CDH18: variants seen among roughly 807,000 people sequenced by gnomAD.
The protein encoded by CDH18 is cadherin 18, also known as cadherin-18.
CDH18 carries 31 observed loss-of-function variants against 67.9 expected under a neutral mutation model. The observed-to-expected ratio is 0.46, with a 90% CI of 0.34 to 0.62. The LOEUF (loss-of-function observed/expected upper bound fraction) is 0.62. Among genes scored for constraint, CDH18 ranks in the 20% least tolerant of loss-of-function variants. The pLI, the probability that CDH18 is intolerant of heterozygous loss-of-function variation, is 0.01. For missense variants in CDH18, 890 were observed against 975.5 expected (o/e 0.91, Z 1.17); for synonymous variants, 362 against 347.2 (o/e 1.04, Z -0.48).
rs139607179 is a variant in CDH18, at chr5:19,911,630, G to A, written c.-257+69430C>T. 6.5e-3 allele frequency among the ~76,000 whole-genome samples: 983 copies of A among 151,996 alleles called. 10 individuals carry two copies. The highest frequency in any genetic ancestry group is 0.023 in the African/African-American group (956 of 41,442). On this transcript the variant is annotated intron_variant, in intron 2 of 12. Coordinates refer to ENST00000382275, the MANE Select transcript of CDH18 (RefSeq NM_004934.5). ...CCTTTCCCTGCTATGTGAGGACACC[G>A]AGAGAAGACAGCTGTCAACAAGCCA...
Position 20,535,457 on chromosome 5 carries a change from T to A in CDH18, c.-580+40005A>T, listed in dbSNP as rs572716908. Among the ~76,000 whole-genome samples, 3 of 152,244 alleles carry A rather than the reference T, an allele frequency of 2.0e-5. No individual in the cohort carries two copies. The East Asian group carries it at 5.8e-4, about 29-fold the overall frequency. On this transcript the variant is annotated intron_variant, in intron 1 of 14. Transcript: ENST00000507958. ...AATTACATTTAGCCCACCAGTATAATTCAAAATAATCTTCCAGCTTTAACA... is the reference window on the plus strand; with the variant it reads ...AATTACATTTAGCCCACCAGTATAAATCAAAATAATCTTCCAGCTTTAACA...
chr5:20,090,215 T>C (rs905148373), intron 2 of CDH18, among the ~76,000 whole-genome samples: 1 of 152,174 alleles, frequency 6.6e-6, no homozygotes, highest in Admixed American at 6.5e-5. Context: ...GAAGAGTATA[T>C]ACAAATAATT....
intron 1 of CDH18, among the ~76,000 whole-genome samples, chr5:20,323,723 G>A (rs1160135634): frequency 6.6e-6 from 1 of 152,216 alleles, no homozygotes. Flanking sequence ...TGCATTTGAA[G>A]TGTGATGCAT....
intron 2 of CDH18, among the ~76,000 whole-genome samples, chr5:20,140,515 T>C (rs1045438208): frequency 6.6e-6 from 1 of 151,956 alleles, no homozygotes; most frequent in Admixed American, 6.6e-5. Context: ...AATAATGTCA[T>C]GAAAGGGTGG....
At chr5:19,672,236 G>C (rs1758848908) in intron 5 of CDH18, among the ~76,000 whole-genome samples, 1 of 152,078 alleles carries the variant, frequency 6.6e-6, no homozygotes, top group African/African-American at 2.4e-5. Context: ...GGCAGAGTTT[G>C]CTGCACAGGC....
chr5:20,063,249 A>G (rs900268804), intron 2 of CDH18, among the ~76,000 whole-genome samples: 1 of 151,548 alleles, frequency 6.6e-6, no homozygotes, highest in African/African-American at 2.4e-5. Flanking sequence ...TACCACAGAA[A>G]AGTATTATTC....
At chr5:19,801,524 A>G (rs1263292745) in intron 3 of CDH18, among the ~76,000 whole-genome samples, 4 of 152,208 alleles carry the variant, frequency 2.6e-5, no homozygotes, top group Non-Finnish European at 5.9e-5. Context: ...GGCTTACTTA[A>G]TTGATCTGAA....
intron 3 of CDH18, among the ~76,000 whole-genome samples, chr5:19,827,644 A>G (rs1387166608): frequency 1.3e-5 from 2 of 152,212 alleles, no homozygotes; most frequent in African/African-American, 2.4e-5. Context: ...ATTACTTTTA[A>G]GTAAACAATG....
rs139512489 is a variant in CDH18, at chr5:20,000,326, A to C, written c.-517-8312T>G. Among the ~76,000 whole-genome samples the C allele has an allele frequency of 3.0e-3, 457 of 152,344 alleles. 3 individuals are homozygous for C. Among genetic ancestry groups the C allele is most frequent in the African/African-American group, 0.01 (427 of 41,574 alleles). On this transcript the variant is annotated intron_variant, in intron 2 of 14. Transcript: ENST00000507958. Reference sequence around the variant, plus strand: ...GTAATTTATAGTTACAACCAAAAAGATATAATGAATGCCTTTAACTTAGTA... The same window carrying C: ...GTAATTTATAGTTACAACCAAAAAGCTATAATGAATGCCTTTAACTTAGTA...
intron 5 of CDH18, among the ~76,000 whole-genome samples, chr5:19,720,282 T>G (rs950541272): frequency 2.0e-5 from 3 of 152,118 alleles, no homozygotes; most frequent in Non-Finnish European, 4.4e-5. Flanking sequence ...GATTAAAAAA[T>G]AGCTCCTTTT....
chr5:20,357,474 T>G (rs1049959944), intron 1 of CDH18, among the ~76,000 whole-genome samples: 1 of 152,154 alleles, frequency 6.6e-6, no homozygotes, highest in Non-Finnish European at 1.5e-5. Context: ...AACTTTCTAT[T>G]GTTATTATGT....
At chr5:19,727,452 G>A (rs925765816) in intron 4 of CDH18, among the ~76,000 whole-genome samples, 5 of 152,136 alleles carry the variant, frequency 3.3e-5, no homozygotes, top group South Asian at 2.1e-4. Context: ...GATGGTCAGC[G>A]AACCACTAGA....
intron 2 of CDH18, among the ~76,000 whole-genome samples, chr5:19,941,925 G>A (rs757020905): frequency 5.1e-4 from 78 of 152,126 alleles, no homozygotes; most frequent in Non-Finnish European, 5.9e-4. Flanking sequence ...TAAAGTGAAT[G>A]TTCCATCTTC....
At chr5:20,297,114 T>C (rs1023196756) in intron 1 of CDH18, among the ~76,000 whole-genome samples, 1 of 152,100 alleles carries the variant, frequency 6.6e-6, no homozygotes, top group Non-Finnish European at 1.5e-5. Flanking sequence ...ATACATAATA[T>C]AAAACAGGCC....
intron 2 of CDH18, among the ~76,000 whole-genome samples, chr5:20,107,162 G>C (rs1418013767): frequency 6.6e-5 from 10 of 150,408 alleles, no homozygotes; most frequent in African/African-American, 2.4e-4. Flanking sequence ...CTCACTGCAA[G>C]CTCCGCCTCC....
intron 2 of CDH18, among the ~76,000 whole-genome samples, chr5:20,069,779 G>C (rs1313944792): frequency 6.6e-6 from 1 of 152,062 alleles, no homozygotes; most frequent in African/African-American, 2.4e-5. Flanking sequence ...TTCAGAGAAA[G>C]GTACAGAGAT....
intron 1 of CDH18, among the ~76,000 whole-genome samples, chr5:20,438,856 C>T (rs1362878431): frequency 6.6e-6 from 1 of 151,418 alleles, no homozygotes; most frequent in Admixed American, 6.6e-5. Flanking sequence ...TACTAGACCT[C>T]CACTATGTTA....
At chr5:20,170,166 C>T (rs1736583231) in intron 2 of CDH18, among the ~76,000 whole-genome samples, 1 of 151,986 alleles carries the variant, frequency 6.6e-6, no homozygotes, top group African/African-American at 2.4e-5. Flanking sequence ...TGTCCTGATG[C>T]TTTCCCTCTT....
chr5:19,727,964 CA>C (rs1162244908), intron 4 of CDH18, among the ~76,000 whole-genome samples: 1 of 152,074 alleles, frequency 6.6e-6, no homozygotes, highest in Non-Finnish European at 1.5e-5. Flanking sequence ...AACGGATTAT[CA>C]GTATTTATAT....
Sources: allele counts gnomAD v4.1 joint callset (sites outside exome capture counted in the v4.1 genomes callset), GRCh38; gene constraint gnomAD v4.1.1; transcripts MANE v1.5; gene names NCBI Gene and HGNC (gene_info 2026-07-23, HGNC 2026-07-21).